The following SPON1 variants were observed in gnomAD, a reference collection of about 807,000 sequenced individuals.
The protein encoded by SPON1 is spondin-1.
Under a neutral mutation model 111.7 loss-of-function variants are expected in SPON1, and 52 were observed. The ratio of observed to expected loss-of-function variants is 0.47; its 90% CI spans 0.37 to 0.59. SPON1 has a LOEUF of 0.59. Among genes scored for constraint, SPON1 ranks in the 20% least tolerant of loss-of-function variants. The pLI is 0.00. For missense variants in SPON1, 957 were observed against 1,068.5 expected (o/e 0.90, Z 1.46); for synonymous variants, 410 against 395.8 (o/e 1.04, Z -0.43).
At chr11:14,102,740 G>A (rs1201918844) in intron 5 of SPON1, among the ~76,000 whole-genome samples, 2 of 152,166 alleles carry the variant, frequency 1.3e-5, no homozygotes, top group Non-Finnish European at 2.9e-5. Context: ...TCTGTCTGGG[G>A]CTGTCTGATG....
chr11:14,129,275 G>A (rs1847499620), intron 5 of SPON1, among the ~76,000 whole-genome samples: 2 of 151,814 alleles, frequency 1.3e-5, no homozygotes, highest in African/African-American at 4.8e-5. Flanking sequence ...CTTTGTGAAT[G>A]CATATGACTA....
chr11:14,179,614 A>G (rs1440560901), intron 6 of SPON1, among the ~76,000 whole-genome samples: 1 of 152,132 alleles, frequency 6.6e-6, no homozygotes, highest in African/African-American at 2.4e-5. Context: ...TGAGCAAGTT[A>G]CTTAGGCTCT....
intron 5 of SPON1, among the ~76,000 whole-genome samples, chr11:14,115,065 CAT>C (rs1484534797): frequency 2.6e-5 from 4 of 152,286 alleles, no homozygotes; most frequent in South Asian, 4.1e-4. Flanking sequence ...TCTGGGGTAA[CAT>C]GTGTCCTCCC....
intron 2 of SPON1, among the ~76,000 whole-genome samples, chr11:13,990,872 T>G (rs1164525043): frequency 6.6e-6 from 1 of 152,242 alleles, no homozygotes; most frequent in Non-Finnish European, 1.5e-5. Flanking sequence ...TTGAAAATTC[T>G]TTTCTTTAAG....
chr11:13,970,623 C>A (rs527919539), intron 1 of SPON1, among the ~76,000 whole-genome samples: 1 of 152,140 alleles, frequency 6.6e-6, no homozygotes, highest in South Asian at 2.1e-4. Flanking sequence ...TGTCCTCCCC[C>A]CAACTCCTGC....
chr11:13,978,126 G>A (rs533729677), intron 1 of SPON1, among the ~76,000 whole-genome samples: 14 of 152,226 alleles, frequency 9.2e-5, no homozygotes, highest in African/African-American at 3.1e-4. Flanking sequence ...TTCTTACCTT[G>A]CTATAGTCCA....
intron 3 of SPON1, among the ~76,000 whole-genome samples, chr11:14,054,615 G>A (rs1554918972): frequency 1.3e-5 from 2 of 150,550 alleles, no homozygotes; most frequent in Non-Finnish European, 2.9e-5. Flanking sequence ...GTAATTACAC[G>A]CAGACTCTGA....
At chr11:14,150,801 A>G (rs560003368) in intron 6 of SPON1, among the ~76,000 whole-genome samples, 142 of 152,350 alleles carry the variant, frequency 9.3e-4, no homozygotes, top group Non-Finnish European at 1.2e-3. Context: ...AGTACAGGAC[A>G]CAGGGAGCAC....
At chr11:13,965,317 A>AT (rs1554907938) in intron 1 of SPON1, among the ~76,000 whole-genome samples, 2 of 152,128 alleles carry the variant, frequency 1.3e-5, no homozygotes, top group African/African-American at 4.8e-5. Context: ...GCCCAGGAAG[A>AT]TTTTTTCAGT....
intron 1 of SPON1, among the ~76,000 whole-genome samples, chr11:13,974,406 CAG>C (rs1848086681): frequency 6.6e-6 from 1 of 152,128 alleles, no homozygotes; most frequent in Non-Finnish European, 1.5e-5. Context: ...ACCCAAGAGA[CAG>C]AGTGCGGAGG....
intron 6 of SPON1, among the ~76,000 whole-genome samples, chr11:14,160,895 A>G (rs868971877): frequency 4.2e-5 from 2 of 47,810 alleles, no homozygotes; most frequent in African/African-American, 8.5e-5. Context: ...ATTTATATAT[A>G]TTTATATATT....
chr11:14,258,969 A>G (rs1849140605), intron 11 of SPON1, among the ~76,000 whole-genome samples: 1 of 152,228 alleles, frequency 6.6e-6, no homozygotes, highest in Non-Finnish European at 1.5e-5. Flanking sequence ...CTTAAATTAT[A>G]TGTAGATTAA....
At chr11:14,024,633 G>C (rs1440565776) in intron 2 of SPON1, among the ~76,000 whole-genome samples, 1 of 152,172 alleles carries the variant, frequency 6.6e-6, no homozygotes, top group Non-Finnish European at 1.5e-5. Context: ...AAGGTCTCGG[G>C]TTTATATGGG....
chr11:14,071,672 TAAC>T (rs1848877389), intron 3 of SPON1, among the ~76,000 whole-genome samples: 1 of 152,048 alleles, frequency 6.6e-6, no homozygotes, highest in Non-Finnish European at 1.5e-5. Context: ...AGTGAATAGG[TAAC>T]AACAGAACTC....
chr11:14,204,846 G>C (rs562430454), intron 6 of SPON1, among the ~76,000 whole-genome samples: 1 of 151,756 alleles, frequency 6.6e-6, no homozygotes, highest in Non-Finnish European at 1.5e-5. Flanking sequence ...CACCACCCCC[G>C]GCTAATTTTT....
intron 5 of SPON1, among the ~76,000 whole-genome samples, chr11:14,129,692 G>C (rs958797425): frequency 6.6e-6 from 1 of 152,072 alleles, no homozygotes; most frequent in Admixed American, 6.5e-5. Flanking sequence ...GCCCCACTTT[G>C]GGTACCAATT....
intron 5 of SPON1, among the ~76,000 whole-genome samples, chr11:14,095,001 G>A (rs550543807): frequency 6.6e-6 from 1 of 152,344 alleles, no homozygotes; most frequent in African/African-American, 2.4e-5. Flanking sequence ...GAGTAAGAGA[G>A]AGAAACATCA....
rs1564920137 is a variant in SPON1, at chr11:14,161,211, A to ATATATT, written c.825+25648_825+25649insTTATAT. ...TATATCTATATATATTTATATATTTATATATATCTATATATATTTATATAT... is the reference window on the plus strand; with the variant it reads ...TATATCTATATATATTTATATATTTATATATTTATATATCTATATATATTTATATAT... On this transcript the variant is annotated intron_variant, in intron 6 of 15. Coordinates refer to ENST00000576479, the MANE Select transcript of SPON1 (RefSeq NM_006108.4). Among the ~76,000 whole-genome samples, 2 of 59,036 alleles carry ATATATT rather than the reference A, an allele frequency of 3.4e-5. 1 individual carries two copies. The highest frequency in any genetic ancestry group is 1.4e-4 in the African/African-American group (2 of 14,514). 38.7% of individuals were successfully genotyped at this position (59,036 alleles called of 152,430 possible).
chr11:14,049,500 G>A (rs533438672), intron 3 of SPON1, among the ~76,000 whole-genome samples: 1 of 152,066 alleles, frequency 6.6e-6, no homozygotes, highest in African/African-American at 2.4e-5. Context: ...AGCATATAAG[G>A]GTGCCTATGA....
Sources: allele counts gnomAD v4.1 joint callset (sites outside exome capture counted in the v4.1 genomes callset), GRCh38; gene constraint gnomAD v4.1.1; transcripts MANE v1.5; gene names NCBI Gene and HGNC (gene_info 2026-07-23, HGNC 2026-07-21).